The following KLF12 variants were observed in gnomAD, a reference collection of about 807,000 sequenced individuals.
KLF12 encodes the protein KLF transcription factor 12.
A neutral mutation model predicts 37.8 loss-of-function variants in KLF12; 9 were observed. The ratio of observed to expected loss-of-function variants is 0.24; its 90% CI spans 0.14 to 0.42. The LOEUF is 0.42. KLF12 is among the 10% of genes least tolerant of loss of function. KLF12 has a pLI of 1.00. For synonymous variants in KLF12, 208 were observed against 202.1 expected (o/e 1.03, Z -0.25); for missense variants, 411 against 516.0 (o/e 0.80, Z 1.97).
intron 6 of KLF12, among the ~76,000 whole-genome samples, chr13:73,725,455 A>C (rs1380264759): frequency 6.6e-6 from 1 of 152,162 alleles, no homozygotes; most frequent in Non-Finnish European, 1.5e-5. Flanking sequence ...GGAAACTTAT[A>C]ATGATAAACA....
intron 1 of KLF12, among the ~76,000 whole-genome samples, chr13:74,043,248 C>T (rs1893455127): frequency 1.3e-5 from 2 of 152,136 alleles, no homozygotes; most frequent in South Asian, 4.1e-4. Flanking sequence ...ATGTTTCAAA[C>T]CTCAAAAATT....
At chr13:74,081,773 T>C (rs1312396677) in intron 1 of KLF12, among the ~76,000 whole-genome samples, 1 of 152,188 alleles carries the variant, frequency 6.6e-6, no homozygotes, top group Non-Finnish European at 1.5e-5. Flanking sequence ...TAACCTATTC[T>C]CCTATATTAC....
At chr13:74,127,913 T>A (rs4488333) in intron 1 of KLF12, among the ~76,000 whole-genome samples, 2 of 152,162 alleles carry the variant, frequency 1.3e-5, no homozygotes, top group Non-Finnish European at 1.5e-5. Flanking sequence ...ATGTACTGCT[T>A]GAAATTATAG....
At chr13:73,857,024 T>C (rs563229364) in intron 3 of KLF12, among the ~76,000 whole-genome samples, 1 of 151,812 alleles carries the variant, frequency 6.6e-6, no homozygotes, top group Admixed American at 6.6e-5. Flanking sequence ...TAAACTAAAA[T>C]TAAAATTAAA....
intron 1 of KLF12, among the ~76,000 whole-genome samples, chr13:74,096,280 A>G (rs1035657295): frequency 2.0e-5 from 3 of 152,206 alleles, no homozygotes; most frequent in Non-Finnish European, 4.4e-5. Flanking sequence ...TTCATCGTAA[A>G]TTATCTTTAC....
chr13:73,873,039 C>T (rs1886544714), intron 3 of KLF12, among the ~76,000 whole-genome samples: 1 of 152,064 alleles, frequency 6.6e-6, no homozygotes, highest in South Asian at 2.1e-4. Flanking sequence ...CTCCTATTTG[C>T]TCATCTTTCT....
intron 6 of KLF12, among the ~76,000 whole-genome samples, chr13:73,749,151 A>T (rs1036500561): frequency 2.6e-5 from 4 of 152,208 alleles, no homozygotes; most frequent in African/African-American, 9.6e-5. Context: ...CTCAGCCCTC[A>T]GAAAGATAAA....
chr13:73,749,654 G>A (rs192313589), intron 6 of KLF12, among the ~76,000 whole-genome samples: 1 of 152,264 alleles, frequency 6.6e-6, no homozygotes, highest in Non-Finnish European at 1.5e-5. Flanking sequence ...ATGTAAGCCT[G>A]ATAATTAAAT....
chr13:74,127,724 T>C (rs1826068699), intron 1 of KLF12, among the ~76,000 whole-genome samples: 2 of 152,254 alleles, frequency 1.3e-5, no homozygotes, highest in Non-Finnish European at 2.9e-5. Context: ...TCAATAAATG[T>C]ACAAATAACG....
At chr13:73,887,930 T>C (rs1887311805) in intron 3 of KLF12, among the ~76,000 whole-genome samples, 1 of 152,204 alleles carries the variant, frequency 6.6e-6, no homozygotes, top group Non-Finnish European at 1.5e-5. Context: ...GATGCTCTTT[T>C]GTAAATCTGT....
At chr13:74,258,008 A>G in the KLF12 span, 2 of 151,904 alleles carry the variant, frequency 1.3e-5, no homozygotes, top group Admixed American at 6.6e-5. Flanking sequence ...CCTATACATA[A>G]CTTCTATTAT....
chr13:73,868,899 C>G (rs1367563634), intron 3 of KLF12, among the ~76,000 whole-genome samples: 2 of 152,092 alleles, frequency 1.3e-5, no homozygotes, highest in Non-Finnish European at 2.9e-5. Flanking sequence ...GTTATCAAAA[C>G]CTGCCTAAAT....
chr13:73,846,104 T>C lies in KLF12; in HGVS notation c.393A>G (p.Thr131=). 1 of 1,614,084 alleles carries C rather than the reference T, an allele frequency of 6.2e-7. No homozygotes were observed. The highest frequency in any genetic ancestry group is 8.5e-7 in the Non-Finnish European group (1 of 1,180,002). The change falls in exon 4 of 8, where the codon ACA becomes ACG. Residue 131 remains threonine (T), a synonymous_variant. Coordinates refer to ENST00000377669, the MANE Select transcript of KLF12 (RefSeq NM_007249.5). ...ACGAAGATGACGCTGAAGATACTGA[T>C]GTGATAACAGTTGGGGATGAGGCTA...
upstream of KLF12, among the ~76,000 whole-genome samples, chr13:74,137,996 G>A (rs537519251): frequency 6.6e-6 from 1 of 152,306 alleles, no homozygotes; most frequent in South Asian, 2.1e-4. Context: ...CCCGACCTCA[G>A]GTGACCGCCT....
chr13:74,000,842 A>G (rs1022557267), intron 1 of KLF12, among the ~76,000 whole-genome samples: 1 of 152,230 alleles, frequency 6.6e-6, no homozygotes. Context: ...AAATGAATTA[A>G]GCATTTCTTT....
At chr13:74,251,901 T>C in the KLF12 span, among the ~76,000 whole-genome samples, 11 of 152,150 alleles carry the variant, frequency 7.2e-5, no homozygotes, top group Non-Finnish European at 1.5e-4. Context: ...CAGACCCCAG[T>C]TGCAAGCGGG....
At chr13:74,077,077 T>C (rs899242388) in intron 1 of KLF12, among the ~76,000 whole-genome samples, 14 of 152,234 alleles carry the variant, frequency 9.2e-5, no homozygotes, top group Non-Finnish European at 1.8e-4. Flanking sequence ...TCCATGTCTT[T>C]GCTATTGTGA....
At chr13:73,900,846 A>T (rs1009751574) in intron 3 of KLF12, among the ~76,000 whole-genome samples, 2 of 152,128 alleles carry the variant, frequency 1.3e-5, no homozygotes, top group African/African-American at 4.8e-5. Flanking sequence ...ACACATTCTC[A>T]TCAGGGTTAC....
intron 6 of KLF12, among the ~76,000 whole-genome samples, chr13:73,755,792 A>G (rs1349588671): frequency 6.6e-6 from 1 of 151,030 alleles, no homozygotes; most frequent in African/African-American, 2.4e-5. Context: ...CCATTCTATG[A>G]TTCTTATGCT....
Sources: gnomAD v4.1 joint callset for allele counts (sites outside exome capture counted in the v4.1 genomes callset) on GRCh38, gnomAD v4.1.1 for gene constraint, MANE v1.5 for transcripts, NCBI Gene and HGNC (gene_info 2026-07-23, HGNC 2026-07-21) for gene names.